The following KAZN variants were observed in gnomAD, a reference collection of about 807,000 sequenced individuals.
KAZN encodes the protein kazrin.
KAZN carries 40 observed loss-of-function variants against 87.4 expected under a neutral mutation model. The observed-to-expected ratio is 0.46, with a 90% confidence interval of 0.36 to 0.60. KAZN has a LOEUF of 0.60. KAZN is among the 20% of genes least tolerant of loss of function. KAZN has a pLI of 0.00. For missense variants in KAZN, 898 were observed against 1,073.9 expected (o/e 0.84, Z 2.29); for synonymous variants, 466 against 458.3 (o/e 1.02, Z -0.22).
intron 2 of KAZN, among the ~76,000 whole-genome samples, chr1:15,019,888 G>T (rs1328706891): frequency 1.3e-5 from 2 of 152,150 alleles, no homozygotes; most frequent in Non-Finnish European, 2.9e-5. Context: ...TGCTGGGGAA[G>T]CCACCACCTT....
intron 1 of KAZN, among the ~76,000 whole-genome samples, chr1:14,742,856 G>T (rs1209380763): frequency 1.3e-5 from 2 of 152,332 alleles, no homozygotes; most frequent in South Asian, 2.1e-4. Flanking sequence ...TTCAGTGTGT[G>T]TCTTGCCTGC....
At chr1:14,460,980 A>T (rs1037877603) in intron 2 of KAZN, among the ~76,000 whole-genome samples, 1 of 152,106 alleles carries the variant, frequency 6.6e-6, no homozygotes, top group African/African-American at 2.4e-5. Flanking sequence ...GCTCAAACCT[A>T]GAGTATCTGG....
chr1:14,152,813 T>C (rs946277175), intron 1 of KAZN, among the ~76,000 whole-genome samples: 7 of 152,246 alleles, frequency 4.6e-5, no homozygotes, highest in Admixed American at 6.5e-5. Context: ...ATCAATAATG[T>C]ACAAGGGTTC....
At position 14,111,366 on chromosome 1, in the gene KAZN, AAC is replaced by A. The variant is rs1173437923; in HGVS notation, c.92-69067_92-69066del. Among the ~76,000 whole-genome samples, 19 of 134,446 alleles carry A rather than the reference AAC, an allele frequency of 1.4e-4. 1 individual carries two copies. The highest frequency in any genetic ancestry group is 1.0e-3 in the Admixed American group (14 of 13,636). 88.2% of individuals were successfully genotyped at this position (134,446 alleles called of 152,430 possible). On this transcript the variant is annotated intron_variant, in intron 1 of 16. Transcript: ENST00000636203. ...GAGACAGATCTACACTGTAGAAATA[AAC>A]AGTAAGACTTTGGAGGTTGCACATT...
intron 1 of KAZN, among the ~76,000 whole-genome samples, chr1:14,710,104 C>T (rs1642408839): frequency 6.6e-6 from 1 of 152,148 alleles, no homozygotes. Context: ...TGGTGGAATT[C>T]ATATTCAAGA....
chr1:13,907,010 C>A (rs867241542), intron 1 of KAZN, among the ~76,000 whole-genome samples: 1 of 152,162 alleles, frequency 6.6e-6, no homozygotes, highest in African/African-American at 2.4e-5. Flanking sequence ...CCAGGTAATG[C>A]GTGGAGTGGT....
At chr1:14,685,662 T>C (rs1381746211) in intron 1 of KAZN, among the ~76,000 whole-genome samples, 1 of 152,222 alleles carries the variant, frequency 6.6e-6, no homozygotes, top group Non-Finnish European at 1.5e-5. Flanking sequence ...TGTTATTTAA[T>C]GAAACTAAGG....
chr1:14,548,503 C>T (rs12035313), intron 2 of KAZN, among the ~76,000 whole-genome samples: 75,672 of 152,006 alleles, frequency 0.5, 19,275 homozygotes, highest in South Asian at 0.6. Context: ...CCAGCCTCCA[C>T]GCATTTCTTT....
At chr1:14,122,057 AG>A (rs761215792) in intron 1 of KAZN, among the ~76,000 whole-genome samples, 2 of 152,134 alleles carry the variant, frequency 1.3e-5, no homozygotes, top group Non-Finnish European at 2.9e-5. Flanking sequence ...TTCTGAGCAA[AG>A]GAGAGATACA....
In KAZN at chr1:14,340,306, T is replaced by C. The variant is rs1657586469; in HGVS notation, c.249+159714T>C. The stretch of plus-strand genomic sequence containing the variant: ...TGATTTGGATATTAAGCTATGTGTT[T>C]CTTTTGAGAAGATCACTTTATATAA... On this transcript the variant is annotated intron_variant, in intron 2 of 16. Transcript: ENST00000636203. 2.0e-5 allele frequency among the ~76,000 whole-genome samples: 3 copies of C among 152,372 alleles called. No individual in the cohort carries two copies. In the South Asian group the frequency reaches 6.2e-4, roughly 32 times the overall value.
chr1:15,023,525 TC>T, intron 2 of KAZN, among the ~76,000 whole-genome samples: 1 of 151,716 alleles, frequency 6.6e-6, no homozygotes, highest in Admixed American at 6.5e-5. Context: ...CAGGGCAGCT[TC>T]CCCGGAATGT....
intron 2 of KAZN, among the ~76,000 whole-genome samples, chr1:14,283,236 A>G (rs1268933340): frequency 6.6e-6 from 1 of 152,156 alleles, no homozygotes; most frequent in East Asian, 1.9e-4. Flanking sequence ...GACTCTATCA[A>G]GGCATTTTGT....
Position 14,278,091 on chromosome 1 carries a change from A to T in KAZN, c.249+97499A>T, listed in dbSNP as rs187019873. Among the ~76,000 whole-genome samples the T allele has an allele frequency of 2.0e-3, 295 of 148,864 alleles. 1 individual carries two copies. Among genetic ancestry groups the T allele is most frequent in the African/African-American group, 7.1e-3 (283 of 40,130 alleles). On this transcript the variant is annotated intron_variant, in intron 2 of 16. Transcript: ENST00000636203. Reference sequence around the variant, plus strand: ...AGGCTGAGGCAGGAGAATCGCCTGAATCTGGGAGGCGGAGGTTGCTGTGAG... The same window carrying T: ...AGGCTGAGGCAGGAGAATCGCCTGATTCTGGGAGGCGGAGGTTGCTGTGAG...
intron 2 of KAZN, among the ~76,000 whole-genome samples, chr1:14,315,341 G>C (rs1655583303): frequency 6.6e-6 from 1 of 152,052 alleles, no homozygotes; most frequent in Non-Finnish European, 1.5e-5. Context: ...AGCAGATAGT[G>C]TTATGGAACG....
At chr1:14,874,517 G>A (rs2101072352) in intron 1 of KAZN, among the ~76,000 whole-genome samples, 1 of 151,964 alleles carries the variant, frequency 6.6e-6, no homozygotes, top group Non-Finnish European at 1.5e-5. Flanking sequence ...TGGATGGATG[G>A]ATGGACAGAT....
intron 1 of KAZN, among the ~76,000 whole-genome samples, chr1:14,601,479 T>A (rs918435451): frequency 6.6e-6 from 1 of 152,152 alleles, no homozygotes; most frequent in African/African-American, 2.4e-5. Context: ...TTGTTTGTTT[T>A]TGTTTTTTTC....
intron 2 of KAZN, among the ~76,000 whole-genome samples, chr1:14,493,081 C>T (rs1241854247): frequency 3.3e-5 from 5 of 152,242 alleles, no homozygotes; most frequent in East Asian, 1.9e-4. Context: ...ACTTCATCCA[C>T]GCAGCCTTTC....
At chr1:14,031,904 C>T (rs1641343691) in intron 1 of KAZN, among the ~76,000 whole-genome samples, 1 of 146,214 alleles carries the variant, frequency 6.8e-6, no homozygotes, top group Non-Finnish European at 1.5e-5. Flanking sequence ...TTCTTGTTAA[C>T]AAAACCATCT....
chr1:14,199,127 GA>G (rs1450007216), intron 2 of KAZN, among the ~76,000 whole-genome samples: 1 of 152,178 alleles, frequency 6.6e-6, no homozygotes, highest in South Asian at 2.1e-4. Flanking sequence ...ACTCCTTACT[GA>G]CATTGCAAGT....
Sources: allele counts gnomAD v4.1 joint callset (sites outside exome capture counted in the v4.1 genomes callset), GRCh38; gene constraint gnomAD v4.1.1; transcripts MANE v1.5; gene names NCBI Gene and HGNC (gene_info 2026-07-23, HGNC 2026-07-21).